Variants in JAK2 observed in about 807,000 individuals in gnomAD.
JAK2 encodes the protein Janus kinase 2, also known as tyrosine-protein kinase JAK2.
A neutral mutation model predicts 139.3 loss-of-function variants in JAK2; 86 were observed. The ratio of observed to expected loss-of-function variants is 0.62; its 90% CI spans 0.52 to 0.74. The LOEUF (loss-of-function observed/expected upper bound fraction) is 0.74, where lower values mean the gene tolerates loss of function less well. Among genes scored for constraint, JAK2 ranks in the 30% least tolerant of loss-of-function variants. The pLI is 0.00. For missense variants in JAK2, 1,421 were observed against 1,360.3 expected (o/e 1.04, Z -0.70); for synonymous variants, 490 against 437.7 (o/e 1.12, Z -1.49).
chr9:5,021,184 T>G (rs1476880801), intron 2 of JAK2, among the ~76,000 whole-genome samples: 1 of 152,190 alleles, frequency 6.6e-6, no homozygotes, highest in Non-Finnish European at 1.5e-5. Context: ...TCCCTCTCCT[T>G]CCTTGCATTA....
chr9:5,060,363 T>C (rs1329895377), intron 8 of JAK2, among the ~76,000 whole-genome samples: 2 of 152,216 alleles, frequency 1.3e-5, no homozygotes, highest in African/African-American at 4.8e-5. Flanking sequence ...CATGTGACAT[T>C]GTTTGGTAAC....
upstream of JAK2, chr9:4,984,876 T>G (rs1819851679): frequency 6.6e-6 from 1 of 152,180 alleles, no homozygotes; most frequent in Non-Finnish European, 1.5e-5. Context: ...GCACCAGCGT[T>G]TCGCGAGGCG....
chr9:5,002,421 G>C (rs1160790827), intron 2 of JAK2, among the ~76,000 whole-genome samples: 2 of 151,822 alleles, frequency 1.3e-5, no homozygotes, highest in Non-Finnish European at 2.9e-5. Flanking sequence ...TGTTAATTTT[G>C]CAATACTGGG....
At chr9:5,027,855 C>T (rs1285787078) in intron 3 of JAK2, among the ~76,000 whole-genome samples, 1 of 152,184 alleles carries the variant, frequency 6.6e-6, no homozygotes, top group Non-Finnish European at 1.5e-5. Context: ...AATTCAGTCA[C>T]GTCTTCAAGC....
At chr9:5,036,534 G>C (rs1249179572) in intron 4 of JAK2, among the ~76,000 whole-genome samples, 2 of 151,660 alleles carry the variant, frequency 1.3e-5, no homozygotes, top group Admixed American at 1.3e-4. Context: ...CAGAGATATA[G>C]ACCAATGGAA....
In JAK2 at chr9:5,094,810, C is replaced by T. The variant is rs1366057873; in HGVS notation, c.3059+3899C>T. On this transcript the variant is annotated intron_variant, in intron 22 of 24. Coordinates refer to ENST00000381652, the MANE Select transcript of JAK2 (RefSeq NM_004972.4). ...CTACTATTTTTCTAGGAGTACTACA[C>T]ACTATGTATTCACCAGAACTCTGTA... 3 of 152,132 alleles carry T rather than the reference C, an allele frequency of 2.0e-5. No individual in the cohort carries two copies. The East Asian group carries it at 5.8e-4, about 29-fold the overall frequency. 9.4% of individuals were successfully genotyped at this position (152,132 alleles called of 1,614,324 possible). A position where few individuals can be genotyped will look rare whatever the true frequency, so the allele number is the denominator to read the frequency against.
chr9:4,991,513 A>G (rs1820244413), intron 2 of JAK2, among the ~76,000 whole-genome samples: 1 of 152,204 alleles, frequency 6.6e-6, no homozygotes, highest in Non-Finnish European at 1.5e-5. Context: ...TGCTCTCAGC[A>G]TGGTATATGA....
intron 19 of JAK2, among the ~76,000 whole-genome samples, chr9:5,087,369 C>G (rs912085400): frequency 1.3e-5 from 2 of 152,180 alleles, no homozygotes; most frequent in Admixed American, 6.5e-5. Flanking sequence ...GGAAACCACC[C>G]GCATGATTCA....
At chr9:5,064,520 ACT>A (rs2130488181) in intron 8 of JAK2, among the ~76,000 whole-genome samples, 1 of 150,246 alleles carries the variant, frequency 6.7e-6, no homozygotes, top group East Asian at 1.9e-4. Context: ...ATGGAGCAAG[ACT>A]CTCAAAAAAA....
In JAK2 at chr9:5,050,681, T is replaced by A; in HGVS notation, c.469-5T>A. 8 of 1,610,056 alleles carry A rather than the reference T, an allele frequency of 5.0e-6. No individual in the cohort carries two copies. The highest frequency in any genetic ancestry group is 6.8e-6 in the Non-Finnish European group (8 of 1,178,656). ...GAGATATTTCCTTCAAATTTTTGGT[T>A]TTAGTGGCGGCATGATTTTGTGCAC... On this transcript the variant is annotated splice_region_variant and splice_polypyrimidine_tract_variant and intron_variant, in intron 5 of 24. Coordinates refer to ENST00000381652, the MANE Select transcript of JAK2 (RefSeq NM_004972.4).
chr9:5,022,743 C>T (rs1462455224), intron 3 of JAK2, among the ~76,000 whole-genome samples: 1 of 152,088 alleles, frequency 6.6e-6, no homozygotes, highest in Non-Finnish European at 1.5e-5. Flanking sequence ...AAACTGTGAA[C>T]CAGAGAACTC....
chr9:4,997,595 G>A (rs915288778), intron 2 of JAK2, among the ~76,000 whole-genome samples: 2 of 152,116 alleles, frequency 1.3e-5, no homozygotes, highest in Non-Finnish European at 2.9e-5. Flanking sequence ...CTCCAACATT[G>A]GGGATTACAG....
At chr9:5,045,723 C>A (rs1563953616) in intron 5 of JAK2, among the ~76,000 whole-genome samples, 1 of 152,150 alleles carries the variant, frequency 6.6e-6, no homozygotes, top group Non-Finnish European at 1.5e-5. Flanking sequence ...TCAGGTTCAT[C>A]CATGTTGTAG....
intron 10 of JAK2, among the ~76,000 whole-genome samples, chr9:5,068,786 T>A (rs925540640): frequency 3.9e-5 from 6 of 152,248 alleles, no homozygotes; most frequent in Admixed American, 3.9e-4. Flanking sequence ...TAATTATCAT[T>A]GCCTTCTTAC....
intron 2 of JAK2, among the ~76,000 whole-genome samples, chr9:4,994,666 G>A (rs1194542353): frequency 6.6e-6 from 1 of 152,150 alleles, no homozygotes; most frequent in Non-Finnish European, 1.5e-5. Context: ...GTGGCTCATG[G>A]CTGTGTTCTC....
At chr9:5,123,390 A>T (rs1003426554) in intron 23 of JAK2, among the ~76,000 whole-genome samples, 7 of 152,012 alleles carry the variant, frequency 4.6e-5, no homozygotes, top group African/African-American at 1.7e-4. Context: ...GCTCCCGCTT[A>T]TAAGTGAAAA....
At chr9:4,985,078 C>A (rs1004669958), upstream of JAK2, 1 of 152,302 alleles carries the variant, frequency 6.6e-6, no homozygotes, top group Admixed American at 6.5e-5. Flanking sequence ...CCGGCCCGGT[C>A]TCCTGCCATT....
In JAK2 at chr9:5,078,435, C is replaced by A. The variant is rs2130591816; in HGVS notation, c.2122C>A (p.Pro708Thr). 6.2e-7 allele frequency: 1 copy of A among 1,611,802 alleles called. No individual in the cohort carries two copies. Among genetic ancestry groups the A allele is most frequent in the Non-Finnish European group, 8.5e-7 (1 of 1,178,604 alleles). Residue 708 changes from proline (P) to threonine (T), a missense_variant, in exon 16 of 25, where the codon CCA becomes ACA. Pro to Thr is a conservative substitution (Grantham distance 38). Coordinates refer to ENST00000381652, the MANE Select transcript of JAK2 (RefSeq NM_004972.4). ...SDPGISITVL[P>T]KDILQERIPW... Reference sequence around the variant, plus strand: ...TCCTGGCATTAGTATTACAGTTTTGCCAAAGGACAGTAAGTTCTAGAAGGA... The same window carrying A: ...TCCTGGCATTAGTATTACAGTTTTGACAAAGGACAGTAAGTTCTAGAAGGA...
At chr9:5,115,863 C>T (rs907787615) in intron 22 of JAK2, among the ~76,000 whole-genome samples, 10 of 152,040 alleles carry the variant, frequency 6.6e-5, no homozygotes, top group Admixed American at 2.6e-4. Context: ...ACAATGACAA[C>T]ATATGGACAC....
Sources: allele counts gnomAD v4.1 joint callset (sites outside exome capture counted in the v4.1 genomes callset), GRCh38; gene constraint gnomAD v4.1.1; transcripts MANE v1.5; gene names NCBI Gene and HGNC (gene_info 2026-07-23, HGNC 2026-07-21).